The following VGLL3 variants were observed in gnomAD, a reference collection of about 807,000 sequenced individuals.
The protein encoded by VGLL3 is vestigial like family member 3.
A neutral mutation model predicts 29.2 loss-of-function variants in VGLL3; 18 were observed. The observed-to-expected ratio is 0.62, with a 90% CI of 0.43 to 0.91. The LOEUF (loss-of-function observed/expected upper bound fraction) is 0.91, where lower values mean the gene tolerates loss of function less well. VGLL3 is among the 40% of genes least tolerant of loss of function. VGLL3 has a pLI of 0.00. For missense variants in VGLL3, 440 were observed against 413.2 expected (o/e 1.06, Z -0.56); for synonymous variants, 180 against 151.8 (o/e 1.19, Z -1.36).
In VGLL3 at chr3:86,942,435, C is replaced by A. The variant is rs900969910; in HGVS notation, c.*4589G>T. Reference sequence around the variant, plus strand: ...GTAGAGTAAATCTGCTGACTGAGATCGTAAATGGTTGTGTTTTTCCCCCTT... The same window carrying A: ...GTAGAGTAAATCTGCTGACTGAGATAGTAAATGGTTGTGTTTTTCCCCCTT... On this transcript the variant is annotated 3_prime_UTR_variant, in exon 4 of 4. Coordinates refer to ENST00000398399, the MANE Select transcript of VGLL3 (RefSeq NM_016206.4). 1 of 121,620 alleles carries A rather than the reference C, an allele frequency of 8.2e-6. No individual in the cohort carries two copies. Among genetic ancestry groups the A allele is most frequent in the Admixed American group, 7.9e-5 (1 of 12,616 alleles). The allele number at this position is 121,620 out of a possible 1,614,324, so 7.5% of individuals were successfully genotyped here.
intron 3 of VGLL3, chr3:86,962,356 T>C (rs775842190): frequency 1.7e-5 from 17 of 985,208 alleles, no homozygotes; most frequent in Non-Finnish European, 2.0e-5. Context: ...TGGGGTGGCA[T>C]ACACTTGCAC....
At chr3:86,970,688 G>A (rs1017082741) in intron 2 of VGLL3, among the ~76,000 whole-genome samples, 2 of 152,106 alleles carry the variant, frequency 1.3e-5, no homozygotes, top group African/African-American at 4.8e-5. Context: ...GGGCTTTGAA[G>A]GGTTTTAATC....
intron 2 of VGLL3, among the ~76,000 whole-genome samples, chr3:86,971,200 C>T (rs1705093982): frequency 6.6e-6 from 1 of 152,106 alleles, no homozygotes; most frequent in South Asian, 2.1e-4. Context: ...AGTTTTCTTG[C>T]CTCAGGGAAA....
Position 86,978,710 on chromosome 3 carries a change from C to T in VGLL3, c.219G>A (p.Glu73=). The change falls in exon 2 of 4, where the codon GAG becomes GAA. Residue 73 remains glutamate, a synonymous_variant. Coordinates refer to ENST00000398399, the MANE Select transcript of VGLL3 (RefSeq NM_016206.4). ...CCATCTCGGCAGGCTGGTCTTTCTC[C>T]TCCTCCTCCTCCTCCTCATCCTCCT... is the stretch of plus-strand genomic sequence containing the variant. ...QEEEDEEEEE[E]EKDQPAEMEY... The T allele has an allele frequency of 6.2e-7, 1 of 1,612,906 alleles. No homozygotes were observed. The highest frequency in any genetic ancestry group is 8.5e-7 in the Non-Finnish European group (1 of 1,179,398).
At position 86,939,063 on chromosome 3, in the gene VGLL3, A is replaced by G. The variant is rs999804028; in HGVS notation, c.*7961T>C. On this transcript the variant is annotated 3_prime_UTR_variant, in exon 4 of 4. Transcript: ENST00000398399. ...ATAACCCTTTGGATTCTGAAGCACT[A>G]TAATAACTACATGAAACATTTGAAA... The G allele has an allele frequency of 2.6e-5, 4 of 152,248 alleles. No individual in the cohort carries two copies. The highest frequency in any genetic ancestry group is 6.5e-5 in the Admixed American group (1 of 15,286). 9.4% of individuals were successfully genotyped at this position (152,248 alleles called of 1,614,324 possible). A position where few individuals can be genotyped will look rare whatever the true frequency, so the allele number is the denominator to read the frequency against.
intron 2 of VGLL3, 86 bp from the exon 3 acceptor site, chr3:86,969,209 C>T: frequency 7.0e-7 from 1 of 1,427,878 alleles, no homozygotes; most frequent in Non-Finnish European, 9.4e-7. Context: ...TCTAATTGTC[C>T]AATAATATTT....
intron 3 of VGLL3, among the ~76,000 whole-genome samples, chr3:86,956,792 CAAA>C (rs55781336): frequency 1.0e-3 from 95 of 90,848 alleles, no homozygotes; most frequent in South Asian, 3.4e-3. Context: ...CCCACCGTCC[CAAA>C]AAAAAAAAAA....
At chr3:86,989,578 C>A (rs749599960) in intron 1 of VGLL3, among the ~76,000 whole-genome samples, 13 of 152,040 alleles carry the variant, frequency 8.6e-5, no homozygotes, top group Admixed American at 3.9e-4. Flanking sequence ...AGAAGGTTTG[C>A]AATAAAACAT....
intron 2 of VGLL3, among the ~76,000 whole-genome samples, chr3:86,975,338 G>A (rs1185946347): frequency 6.6e-6 from 1 of 151,858 alleles, no homozygotes; most frequent in Non-Finnish European, 1.5e-5. Context: ...ATCGTTTGTG[G>A]CTTTCCTATA....
chr3:86,939,983 C>T lies in VGLL3; in HGVS notation c.*7041G>A, dbSNP rs1158340948. ...AATTTGTGTTGTTTTAGGCCGTTAT[C>T]GTTGTAGTAATGTAGTAATATTTTA... On this transcript the variant is annotated 3_prime_UTR_variant, in exon 4 of 4. Transcript: ENST00000398399. 1 of 152,058 alleles carries T rather than the reference C, an allele frequency of 6.6e-6. No homozygotes were observed. The highest frequency in any genetic ancestry group is 1.5e-5 in the Non-Finnish European group (1 of 67,998). The allele number at this position is 152,058 out of a possible 1,614,324, so 9.4% of individuals were successfully genotyped here. A position where few individuals can be genotyped will look rare whatever the true frequency, so the allele number is the denominator to read the frequency against.
chr3:86,990,272 ATAGT>A (rs1223644313), intron 1 of VGLL3: 2 of 976,970 alleles, frequency 2.0e-6, no homozygotes, highest in African/African-American at 3.5e-5. Context: ...AATAAACAAA[ATAGT>A]TGGTTGAAAG....
intron 3 of VGLL3, among the ~76,000 whole-genome samples, chr3:86,947,653 A>G (rs1394238604): frequency 6.6e-6 from 1 of 152,192 alleles, no homozygotes; most frequent in Non-Finnish European, 1.5e-5. Flanking sequence ...TATTCTATTT[A>G]TTAATTTACT....
At chr3:86,949,516 C>A (rs1704570895) in intron 3 of VGLL3, among the ~76,000 whole-genome samples, 1 of 152,056 alleles carries the variant, frequency 6.6e-6, no homozygotes, top group Non-Finnish European at 1.5e-5. Context: ...AAAAACCCTA[C>A]AAATAAGTTG....
At chr3:86,968,336 T>TG (rs1245183628) in intron 3 of VGLL3, among the ~76,000 whole-genome samples, 3 of 152,090 alleles carry the variant, frequency 2.0e-5, no homozygotes, top group Non-Finnish European at 2.9e-5. Context: ...TACCAGAGAT[T>TG]CCATTTCAAA....
chr3:86,942,126 C>G lies in VGLL3; in HGVS notation c.*4898G>C, dbSNP rs1704412420. The stretch of plus-strand genomic sequence containing the variant: ...TCAGAGAATAAACTGTAATTTCTCT[C>G]TCAAACAAGCCTTTCTTATTCTGAA... On this transcript the variant is annotated 3_prime_UTR_variant, in exon 4 of 4. Transcript: ENST00000398399. 6.6e-6 allele frequency: 1 copy of G among 152,094 alleles called. No homozygotes were observed. Among genetic ancestry groups the G allele is most frequent in the Non-Finnish European group, 1.5e-5 (1 of 68,016 alleles). The allele number at this position is 152,094 out of a possible 1,614,324, so 9.4% of individuals were successfully genotyped here.
chr3:86,958,983 T>C (rs760749174), intron 3 of VGLL3, among the ~76,000 whole-genome samples: 35 of 152,254 alleles, frequency 2.3e-4, no homozygotes, highest in Non-Finnish European at 5.0e-4. Flanking sequence ...AAAATTTTTA[T>C]TGTTACCAAA....
chr3:86,964,497 G>A (rs1704918621), intron 3 of VGLL3, among the ~76,000 whole-genome samples: 1 of 152,188 alleles, frequency 6.6e-6, no homozygotes, highest in African/African-American at 2.4e-5. Flanking sequence ...TGAATTGAAT[G>A]TTTATGACTC....
intron 1 of VGLL3, among the ~76,000 whole-genome samples, chr3:86,986,679 T>C (rs528828194): frequency 1.2e-4 from 19 of 152,214 alleles, no homozygotes; most frequent in Non-Finnish European, 2.5e-4. Flanking sequence ...GTTATAACTG[T>C]ATTCTTTTCT....
At chr3:86,969,464 A>C (rs899724043) in intron 2 of VGLL3, among the ~76,000 whole-genome samples, 35 of 152,224 alleles carry the variant, frequency 2.3e-4, no homozygotes, top group African/African-American at 8.0e-4. Context: ...AGAGGAGGTC[A>C]TATCTACCCA....
Sources: gnomAD v4.1 joint callset for allele counts (sites outside exome capture counted in the v4.1 genomes callset) on GRCh38, gnomAD v4.1.1 for gene constraint, MANE v1.5 for transcripts, NCBI Gene and HGNC (gene_info 2026-07-23, HGNC 2026-07-21) for gene names.